Variants in PTK2B observed in about 807,000 individuals in gnomAD.
PTK2B encodes protein tyrosine kinase 2 beta.
PTK2B carries 71 observed loss-of-function variants against 142.9 expected under a neutral mutation model. The observed-to-expected ratio is 0.50, with a 90% CI of 0.41 to 0.61. The LOEUF (loss-of-function observed/expected upper bound fraction) is 0.61, where lower values mean the gene tolerates loss of function less well. PTK2B is among the 20% of genes least tolerant of loss of function. The pLI, the probability that PTK2B is intolerant of heterozygous loss-of-function variation, is 0.00. For missense variants in PTK2B, 1,105 were observed against 1,320.4 expected, an observed-to-expected ratio of 0.84 and a Z score of 2.53; for synonymous variants, 519 against 503.4, an observed-to-expected ratio of 1.03 and a Z score of -0.42.
rs1008601390 is a variant in PTK2B at position 27,431,585 on chromosome 8, AGAGTTC to A, written c.885+114_885+119del. The A allele has an allele frequency of 3.6e-6, 5 of 1,402,934 alleles. No homozygotes were observed. In the African/African-American group the frequency reaches 7.1e-5, roughly 20 times the overall value. The allele number at this position is 1,402,934 out of a possible 1,614,324, so 86.9% of individuals were successfully genotyped here. On this transcript the variant is annotated intron_variant, in intron 9 of 30. Coordinates refer to ENST00000346049, the MANE Select transcript of PTK2B (RefSeq NM_173176.3). ...TCTTCTTGCCCCTGTTGCTGAAAGC[AGAGTTC>A]TTCTAAGGCCATGCCCTGGCGTGAG... is the stretch of plus-strand genomic sequence containing the variant.
At position 27,458,214 on chromosome 8, in the gene PTK2B, G is replaced by A. The variant is rs1408383614; in HGVS notation, c.2815-80G>A. 4.2e-5 allele frequency: 60 copies of A among 1,423,058 alleles called. 1 individual carries two copies. Among genetic ancestry groups the A allele is most frequent in the South Asian group, 3.6e-4 (28 of 78,208 alleles). 88.2% of individuals were successfully genotyped at this position (1,423,058 alleles called of 1,614,324 possible). On this transcript the variant is annotated intron_variant, in intron 30 of 30. Coordinates refer to ENST00000346049, the MANE Select transcript of PTK2B (RefSeq NM_173176.3). The stretch of plus-strand genomic sequence containing the variant: ...TCTGATTGCTTTGGCCAGCATGCAG[G>A]TGGACACCTCTGTGGCTTCCCTATC...
chr8:27,427,907 C>A (rs1810183257), intron 5 of PTK2B, among the ~76,000 whole-genome samples: 1 of 152,054 alleles, frequency 6.6e-6, no homozygotes, highest in African/African-American at 2.4e-5. Context: ...TTTCCATGCA[C>A]CCTGGTTGGG....
chr8:27,420,813 T>C, intron 4 of PTK2B, 69 bp downstream of exon 4: 2 of 1,387,186 alleles, frequency 1.4e-6, no homozygotes, highest in African/African-American at 1.4e-5. Context: ...TGAACCGTTC[T>C]CTCCTAGGGA....
chr8:27,436,434 C>T lies in PTK2B; in HGVS notation c.1341+86C>T, dbSNP rs1040232353. Reference sequence around the variant, plus strand: ...TCGAATCTGAGCAGGTTGGAGTTGGCACAGCCTTCATCCACTTGGGGCCCC... The same window carrying T: ...TCGAATCTGAGCAGGTTGGAGTTGGTACAGCCTTCATCCACTTGGGGCCCC... On this transcript the variant is annotated intron_variant, in intron 15 of 30. Coordinates refer to ENST00000346049, the MANE Select transcript of PTK2B (RefSeq NM_173176.3). 7.5e-6 allele frequency: 10 copies of T among 1,335,548 alleles called. No individual in the cohort carries two copies. In the Admixed American group the frequency reaches 8.7e-5, roughly 12 times the overall value. The allele number at this position is 1,335,548 out of a possible 1,614,324, so 82.7% of individuals were successfully genotyped here.
At chr8:27,418,132 T>G (rs750537) in intron 2 of PTK2B, among the ~76,000 whole-genome samples, 60,807 of 152,054 alleles carry the variant, frequency 0.4, 12,425 homozygotes, top group South Asian at 0.53. Flanking sequence ...GTGCATTCTG[T>G]GCCTCTGTTT....
At chr8:27,334,867 C>T (rs904598900) in intron 1 of PTK2B, among the ~76,000 whole-genome samples, 2 of 152,088 alleles carry the variant, frequency 1.3e-5, no homozygotes, top group South Asian at 2.1e-4. Context: ...TTCCTACAGC[C>T]GAGAGAGAGG....
intron 2 of PTK2B, among the ~76,000 whole-genome samples, chr8:27,413,254 G>A (rs955001784): frequency 6.6e-6 from 1 of 152,170 alleles, no homozygotes; most frequent in Non-Finnish European, 1.5e-5. Flanking sequence ...ATGCTCCAGG[G>A]TTTATCTCCC....
chr8:27,319,752 C>T (rs1482911870), intron 3 of PTK2B, among the ~76,000 whole-genome samples: 2 of 151,722 alleles, frequency 1.3e-5, no homozygotes, highest in Non-Finnish European at 2.9e-5. Context: ...GTTTTTCTAA[C>T]ATCCCATAAG....
rs73568047 is a variant in PTK2B at position 27,379,741 on chromosome 8, A to G, written c.-37-17807A>G. On this transcript the variant is annotated intron_variant, in intron 1 of 30. Coordinates refer to ENST00000346049, the MANE Select transcript of PTK2B (RefSeq NM_173176.3). ...TCCATCCAGGTGAGAACAGCATCGC[A>G]GGGAAAAATCTGTGCATTTTATTTT... 5.8e-3 allele frequency among the ~76,000 whole-genome samples: 879 copies of G among 152,268 alleles called. 5 individuals are homozygous for G. The highest frequency in any genetic ancestry group is 0.02 in the African/African-American group (821 of 41,540).
At chr8:27,450,485 TCGTGTAATCATTTGAATACAG>T (rs1811730509) in intron 24 of PTK2B, among the ~76,000 whole-genome samples, 1 of 152,172 alleles carries the variant, frequency 6.6e-6, no homozygotes, top group African/African-American at 2.4e-5. Flanking sequence ...CATGAGCAGA[TCGTGTAATCATTTGAATACAG>T]CGCACGTTGA....
intron 3 of PTK2B, among the ~76,000 whole-genome samples, chr8:27,313,978 CA>C (rs1272671266): frequency 5.9e-5 from 9 of 152,178 alleles, no homozygotes; most frequent in African/African-American, 2.2e-4. Flanking sequence ...GTGAAACCAT[CA>C]CCTGGCATTC....
At chr8:27,431,519 G>A (rs775270476) in intron 9 of PTK2B, 47 bp downstream of exon 9, 28 of 1,608,538 alleles carry the variant, frequency 1.7e-5, no homozygotes, top group Middle Eastern at 1.8e-4. Context: ...CGGGGAGGTC[G>A]TCCCCTCTCT....
At chr8:27,389,305 G>T (rs1428478271) in intron 1 of PTK2B, among the ~76,000 whole-genome samples, 3 of 152,078 alleles carry the variant, frequency 2.0e-5, no homozygotes, top group Non-Finnish European at 4.4e-5. Flanking sequence ...AGGAAGGAAA[G>T]AAGGAAGGAA....
chr8:27,431,890 G>A (rs886715090), intron 9 of PTK2B, among the ~76,000 whole-genome samples: 5 of 152,216 alleles, frequency 3.3e-5, no homozygotes, highest in Non-Finnish European at 7.3e-5. Flanking sequence ...TTGGCATAGG[G>A]AGGGGCTTGG....
At chr8:27,411,307 G>A (rs374753517) in intron 2 of PTK2B, among the ~76,000 whole-genome samples, 39 of 152,226 alleles carry the variant, frequency 2.6e-4, no homozygotes, top group African/African-American at 9.1e-4. Flanking sequence ...GGCAGGGCTC[G>A]TGCAAGAGCC....
intron 2 of PTK2B, among the ~76,000 whole-genome samples, chr8:27,398,874 C>G (rs954626506): frequency 1.3e-5 from 2 of 152,234 alleles, no homozygotes; most frequent in Non-Finnish European, 2.9e-5. Context: ...CTTCCACACA[C>G]CAGAGCAGAG....
rs558131916 is a variant in PTK2B, at chr8:27,440,183, G to T, written c.1835-54G>T. 261 of 1,558,308 alleles carry T rather than the reference G, an allele frequency of 1.7e-4. No homozygotes were observed. In the African/African-American group the frequency reaches 3.3e-3, roughly 20 times the overall value. ...AGTGCTAATGGCGATGGTGCTTCTG[G>T]GTGGGAGGGACTGGTCTCCCCCACC... On this transcript the variant is annotated intron_variant, in intron 20 of 30. Transcript: ENST00000346049.
rs1156730630 is a variant in PTK2B, at chr8:27,458,524, C to G, written c.*15C>G. On this transcript the variant is annotated 3_prime_UTR_variant, in exon 31 of 31. Transcript: ENST00000346049. ...CTGCAGAGTGACGGAGGGTGGGGGC[C>G]ACCTGCCTGCGTCTTCCGCCCCTGC... The G allele has an allele frequency of 6.4e-7, 1 of 1,553,056 alleles. No homozygotes were observed. Among genetic ancestry groups the G allele is most frequent in the South Asian group, 1.2e-5 (1 of 84,560 alleles).
chr8:27,406,031 A>G (rs929152140), intron 2 of PTK2B, among the ~76,000 whole-genome samples: 2 of 152,178 alleles, frequency 1.3e-5, no homozygotes, highest in African/African-American at 4.8e-5. Context: ...TCCTAAATCA[A>G]GGTGTCAGCA....
Sources: gnomAD v4.1 joint callset for allele counts (sites outside exome capture counted in the v4.1 genomes callset) on GRCh38, gnomAD v4.1.1 for gene constraint, MANE v1.5 for transcripts, NCBI Gene and HGNC (gene_info 2026-07-23, HGNC 2026-07-21) for gene names.